The following P2RY14 variants were observed in gnomAD, a reference collection of about 807,000 sequenced individuals.
The protein encoded by P2RY14 is purinergic receptor P2Y14, also known as P2Y purinoceptor 14.
A neutral mutation model predicts 0.9 loss-of-function variants in P2RY14; 2 were observed. The observed-to-expected ratio is 2.16, with a 90% CI of 0.88 to 6.79. The LOEUF (loss-of-function observed/expected upper bound fraction) is 6.79, where lower values mean the gene tolerates loss of function less well. Among genes scored for constraint, P2RY14 ranks in the 30% most tolerant of loss-of-function variants. The probability of loss-of-function intolerance (pLI) is 0.05; values close to 1 mark genes in which losing one functional copy is unlikely to be tolerated. For synonymous variants in P2RY14, 158 were observed against 147.2 expected, an observed-to-expected ratio of 1.07 and a Z score of -0.53; for missense variants, 378 against 400.1, an observed-to-expected ratio of 0.94 and a Z score of 0.47.
chr3:151,276,215 AC>A (rs1741828840), intron 1 of P2RY14, among the ~76,000 whole-genome samples: 1 of 152,148 alleles, frequency 6.6e-6, no homozygotes, highest in Non-Finnish European at 1.5e-5. Context: ...GCTGGGCTCC[AC>A]CCCCATTGTT....
At chr3:151,247,959 CTTCTT>C (rs1559935020) in intron 1 of P2RY14, among the ~76,000 whole-genome samples, 3 of 65,454 alleles carry the variant, frequency 4.6e-5, no homozygotes, top group East Asian at 6.4e-4. Context: ...TCTTCTTCTT[CTTCTT>C]TTTTTTTTTT....
chr3:151,214,367 C>CA (rs1559887254), intron 2 of P2RY14, 27 bp from the exon 3 acceptor site: 3 of 1,475,174 alleles, frequency 2.0e-6, no homozygotes, highest in Non-Finnish European at 2.8e-6. Context: ...ACTGGTCACT[C>CA]ATAGGGCACT....
intron 1 of P2RY14, among the ~76,000 whole-genome samples, chr3:151,276,380 A>G (rs562763544): frequency 2.6e-5 from 4 of 152,344 alleles, no homozygotes; most frequent in African/African-American, 9.6e-5. Context: ...AATTAAAGGA[A>G]ACACTCCTTA....
At chr3:151,242,470 A>C (rs1270813190) in intron 1 of P2RY14, among the ~76,000 whole-genome samples, 1 of 151,652 alleles carries the variant, frequency 6.6e-6, no homozygotes, top group African/African-American at 2.4e-5. Flanking sequence ...CTGACCCCTG[A>C]GCAGCCTAAC....
At chr3:151,258,111 G>C (rs868745039) in intron 1 of P2RY14, among the ~76,000 whole-genome samples, 7 of 152,160 alleles carry the variant, frequency 4.6e-5, no homozygotes, top group African/African-American at 1.7e-4. Context: ...TTGCTCCAAG[G>C]CATTTACAGG....
chr3:151,253,860 G>A (rs1466585110), intron 1 of P2RY14, among the ~76,000 whole-genome samples: 1 of 151,910 alleles, frequency 6.6e-6, no homozygotes, highest in Non-Finnish European at 1.5e-5. Context: ...CTAAGACTTA[G>A]CTCCACTGAA....
intron 2 of P2RY14, among the ~76,000 whole-genome samples, chr3:151,218,866 C>CAAAAAAAAAA (rs397686351): frequency 1.4e-5 from 1 of 71,334 alleles, no homozygotes; most frequent in East Asian, 4.2e-4. Flanking sequence ...GACTCAGTCT[C>CAAAAAAAAAA]AAAAAAAAAA....
rs1035962708 is a variant in P2RY14 at position 151,262,047 on chromosome 3, A to G, written c.-133+16240T>C. Among the ~76,000 whole-genome samples the G allele has an allele frequency of 4.6e-5, 7 of 152,210 alleles. 1 individual carries two copies. Among genetic ancestry groups the G allele is most frequent in the African/African-American group, 1.7e-4 (7 of 41,446 alleles). The stretch of plus-strand genomic sequence containing the variant: ...CAGCTGAAGGGGTAGATGTTTTAAC[A>G]AACATGTTAAAGTTTGAGAATCACT... On this transcript the variant is annotated intron_variant, in intron 1 of 2. Transcript: ENST00000309170.
In P2RY14 at chr3:151,213,045, A is replaced by T. The variant is rs1336407309; in HGVS notation, c.*255T>A. 4.3e-6 allele frequency: 1 copy of T among 234,138 alleles called. No individual in the cohort carries two copies. Among genetic ancestry groups the T allele is most frequent in the Non-Finnish European group, 8.1e-6 (1 of 123,392 alleles). The allele number at this position is 234,138 out of a possible 1,614,324, so 14.5% of individuals were successfully genotyped here. A position where few individuals can be genotyped will look rare whatever the true frequency, so the allele number is the denominator to read the frequency against. ...ACTTTAACTTATTTTAATATAATAGAATTGAATAATTGTATGTATTAATTT... is the reference window on the plus strand; with the variant it reads ...ACTTTAACTTATTTTAATATAATAGTATTGAATAATTGTATGTATTAATTT... On this transcript the variant is annotated 3_prime_UTR_variant, in exon 3 of 3. Coordinates refer to ENST00000309170, the MANE Select transcript of P2RY14 (RefSeq NM_014879.4).
intron 1 of P2RY14, among the ~76,000 whole-genome samples, chr3:151,257,528 G>A (rs2149481397): frequency 6.6e-6 from 1 of 152,318 alleles, no homozygotes; most frequent in South Asian, 2.1e-4. Flanking sequence ...GTACAAAAGT[G>A]ATTATAATAT....
rs531637206 is a variant in P2RY14, at chr3:151,276,959, C to T, written c.-133+1328G>A. Among the ~76,000 whole-genome samples the T allele has an allele frequency of 5.3e-5, 8 of 152,224 alleles. No homozygotes were observed. In the South Asian group the frequency reaches 1.5e-3, roughly 28 times the overall value. ...TCGCCCAGACTGGAGTGCAGTGGCC[C>T]GATCTCAGCTCACCACAACCTCTGG... On this transcript the variant is annotated intron_variant, in intron 1 of 2. Coordinates refer to ENST00000309170, the MANE Select transcript of P2RY14 (RefSeq NM_014879.4).
At position 151,214,047 on chromosome 3, in the gene P2RY14, G is replaced by A. The variant is rs773657107; in HGVS notation, c.270C>T (p.Asn90=). The change falls in exon 3 of 3, where the codon AAC becomes AAT. Residue 90 remains asparagine, a synonymous_variant. Coordinates refer to ENST00000309170, the MANE Select transcript of P2RY14 (RefSeq NM_014879.4). The part of the protein sequence containing the change: ...GDSGLGPWQL[N]VFVCRVSAVL... ...CGGCAGAGACCCTGCACACAAACAC[G>A]TTCAGCTGCCAGGGACCAAGGCCTG... 8.7e-6 allele frequency: 14 copies of A among 1,614,018 alleles called. No homozygotes were observed. The highest frequency in any genetic ancestry group is 2.2e-5 in the East Asian group (1 of 44,884).
intron 2 of P2RY14, among the ~76,000 whole-genome samples, chr3:151,217,965 G>C (rs1241471094): frequency 1.3e-5 from 2 of 152,072 alleles, no homozygotes; most frequent in Non-Finnish European, 2.9e-5. Context: ...CAAAAGGCAG[G>C]AATATGTGTT....
At chr3:151,228,544 C>A (rs750203035) in intron 1 of P2RY14, among the ~76,000 whole-genome samples, 4 of 152,162 alleles carry the variant, frequency 2.6e-5, no homozygotes, top group Non-Finnish European at 4.4e-5. Context: ...TTGCAGAGTG[C>A]TCTGAGCTTC....
At chr3:151,257,254 C>T (rs1737991166) in intron 1 of P2RY14, among the ~76,000 whole-genome samples, 1 of 152,178 alleles carries the variant, frequency 6.6e-6, no homozygotes, top group African/African-American at 2.4e-5. Flanking sequence ...TTACTGTATG[C>T]CAGTTGGCAT....
At position 151,255,051 on chromosome 3, in the gene P2RY14, C is replaced by T. The variant is rs575767834; in HGVS notation, c.-133+23236G>A. On this transcript the variant is annotated intron_variant, in intron 1 of 2. Coordinates refer to ENST00000309170, the MANE Select transcript of P2RY14 (RefSeq NM_014879.4). ...AATATAGTATTATACTCATAATAAGCGAGGCCTTTGCTTGTATTCATTTAA... is the reference window on the plus strand; with the variant it reads ...AATATAGTATTATACTCATAATAAGTGAGGCCTTTGCTTGTATTCATTTAA... 3.3e-5 allele frequency among the ~76,000 whole-genome samples: 5 copies of T among 152,056 alleles called. No individual in the cohort carries two copies. The East Asian group carries it at 5.8e-4, about 18-fold the overall frequency.
At chr3:151,275,997 C>CT (rs1254333285) in intron 1 of P2RY14, among the ~76,000 whole-genome samples, 2 of 152,074 alleles carry the variant, frequency 1.3e-5, no homozygotes, top group Non-Finnish European at 2.9e-5. Context: ...GAAATGCCTT[C>CT]TTAGCATCCA....
chr3:151,268,727 G>A (rs1740304261), intron 1 of P2RY14, among the ~76,000 whole-genome samples: 1 of 152,194 alleles, frequency 6.6e-6, no homozygotes, highest in Non-Finnish European at 1.5e-5. Flanking sequence ...TGAGTCAGCA[G>A]TGTTTACAAA....
chr3:151,217,287 C>T (rs1043238662), intron 2 of P2RY14, among the ~76,000 whole-genome samples: 2 of 152,128 alleles, frequency 1.3e-5, no homozygotes, highest in Non-Finnish European at 2.9e-5. Flanking sequence ...ATTATTTTCT[C>T]AGAGTCTTGT....
Sources: gnomAD v4.1 joint callset for allele counts (sites outside exome capture counted in the v4.1 genomes callset) on GRCh38, gnomAD v4.1.1 for gene constraint, MANE v1.5 for transcripts, NCBI Gene and HGNC (gene_info 2026-07-23, HGNC 2026-07-21) for gene names.